Variants in SPRR2B observed in about 807,000 individuals in gnomAD.
SPRR2B encodes the protein small proline-rich protein 2B.
SPRR2B carries 1 observed loss-of-function variant against 1.0 expected under a neutral mutation model. The ratio of observed to expected loss-of-function variants is 1.01; its 90% CI spans 0.36 to 4.77. SPRR2B has a LOEUF of 4.77. Among genes scored for constraint, SPRR2B ranks in the 30% most tolerant of loss-of-function variants. The probability of loss-of-function intolerance (pLI) is 0.16; values close to 1 mark genes in which losing one functional copy is unlikely to be tolerated. For missense variants in SPRR2B, 53 were observed against 88.7 expected (o/e 0.60, Z 1.62); for synonymous variants, 27 against 33.4 (o/e 0.81, Z 0.66).
the SPRR2B span, among the ~76,000 whole-genome samples, chr1:153,080,568 A>G: frequency 1.3e-5 from 2 of 152,332 alleles, no homozygotes; most frequent in South Asian, 2.1e-4. Context: ...ACACACTCTT[A>G]AAAAGTCAAA....
At chr1:153,084,933 T>A in the SPRR2B span, among the ~76,000 whole-genome samples, 3 of 152,182 alleles carry the variant, frequency 2.0e-5, no homozygotes, top group Non-Finnish European at 4.4e-5. Flanking sequence ...GTTGGGACCC[T>A]AAAATAGATG....
chr1:153,087,602 G>A, the SPRR2B span, among the ~76,000 whole-genome samples: 2 of 152,044 alleles, frequency 1.3e-5, no homozygotes, highest in Non-Finnish European at 2.9e-5. Flanking sequence ...AAACATCAGA[G>A]AATATTACAA....
At chr1:153,071,399 AT>A (rs1029794778) in intron 1 of SPRR2B, among the ~76,000 whole-genome samples, 169 bp downstream of exon 1, 6 of 145,584 alleles carry the variant, frequency 4.1e-5, no homozygotes, top group South Asian at 2.1e-4. Context: ...AACTGTATAT[AT>A]TTTTTAAAGC....
chr1:153,073,367 C>T (rs1221598627), upstream of SPRR2B, among the ~76,000 whole-genome samples: 1 of 152,184 alleles, frequency 6.6e-6, no homozygotes, highest in East Asian at 1.9e-4. Context: ...CTTTTTTCTG[C>T]CATGCAAAAT....
the SPRR2B span, among the ~76,000 whole-genome samples, chr1:153,085,804 G>C: frequency 6.6e-3 from 1,000 of 152,246 alleles, 12 homozygotes; most frequent in African/African-American, 0.023. Context: ...CACCTACATA[G>C]GGAAGCCATT....
the SPRR2B span, among the ~76,000 whole-genome samples, chr1:153,085,347 G>C: frequency 6.6e-6 from 1 of 152,170 alleles, no homozygotes; most frequent in Admixed American, 6.5e-5. Flanking sequence ...ACCTGAAAAA[G>C]CTGAAAAACA....
chr1:153,087,534 T>TAAAC, the SPRR2B span, among the ~76,000 whole-genome samples: 1 of 151,036 alleles, frequency 6.6e-6, no homozygotes, highest in African/African-American at 2.5e-5. Context: ...AAGATCCAAA[T>TAAAC]AAACACAATT....
At chr1:153,087,451 A>G in the SPRR2B span, among the ~76,000 whole-genome samples, 1 of 152,192 alleles carries the variant, frequency 6.6e-6, no homozygotes, top group Non-Finnish European at 1.5e-5. Context: ...CAAAAGATCA[A>G]CAAATCCAGG....
upstream of SPRR2B, among the ~76,000 whole-genome samples, chr1:153,076,297 T>G (rs1354650371): frequency 1.3e-5 from 2 of 152,188 alleles, no homozygotes; most frequent in Non-Finnish European, 2.9e-5. Flanking sequence ...CTCCATATGT[T>G]AGATCCAAAT....
upstream of SPRR2B, among the ~76,000 whole-genome samples, chr1:153,072,132 C>A (rs1251041812): frequency 6.6e-6 from 1 of 152,120 alleles, no homozygotes; most frequent in African/African-American, 2.4e-5. Flanking sequence ...AGGCAGTGAC[C>A]ACATTGTGCC....
At chr1:153,083,736 A>G in the SPRR2B span, among the ~76,000 whole-genome samples, 3 of 152,220 alleles carry the variant, frequency 2.0e-5, no homozygotes, top group African/African-American at 4.8e-5. Context: ...CTGGAATTCC[A>G]GCAGGAGAAG....
At chr1:153,078,478 A>C in the SPRR2B span, among the ~76,000 whole-genome samples, 4,635 of 152,204 alleles carry the variant, frequency 0.03, 89 homozygotes, top group Non-Finnish European at 0.042. Context: ...CCGTCATTTA[A>C]CATTAGGTAT....
At chr1:153,084,408 A>G in the SPRR2B span, among the ~76,000 whole-genome samples, 7,450 of 152,170 alleles carry the variant, frequency 0.049, 940 homozygotes, top group East Asian at 0.49. Flanking sequence ...CCTTGTGCCA[A>G]CACTGCCATG....
upstream of SPRR2B, among the ~76,000 whole-genome samples, chr1:153,076,446 G>C (rs960357229): frequency 7.2e-5 from 11 of 152,132 alleles, no homozygotes; most frequent in Admixed American, 5.2e-4. Flanking sequence ...TCAAGATAGT[G>C]AATGTGCATA....
At position 153,070,245 on chromosome 1, in the gene SPRR2B, T is replaced by C; in HGVS notation, c.*376A>G. The C allele has an allele frequency of 4.5e-6, 2 of 445,878 alleles. No homozygotes were observed. The highest frequency in any genetic ancestry group is 7.9e-6 in the Non-Finnish European group (2 of 254,214). 27.6% of individuals were successfully genotyped at this position (445,878 alleles called of 1,614,324 possible). On this transcript the variant is annotated 3_prime_UTR_variant, in exon 2 of 2. Coordinates refer to ENST00000368755, the MANE Select transcript of SPRR2B (RefSeq NM_001388198.1). ...CAAATATATATGCATAGATACTTTA[T>C]TCAGGGAGTGAAAGAAAAGTGACAA...
the SPRR2B span, among the ~76,000 whole-genome samples, chr1:153,079,851 C>G: frequency 1.4e-4 from 22 of 152,084 alleles, no homozygotes; most frequent in East Asian, 3.3e-3. Context: ...AATGCGGGCT[C>G]TTTTTTGGTT....
chr1:153,072,584 G>A (rs183943998), upstream of SPRR2B, among the ~76,000 whole-genome samples: 5 of 152,186 alleles, frequency 3.3e-5, no homozygotes, highest in African/African-American at 1.2e-4. Flanking sequence ...GAAATCTAGG[G>A]GAAAATATCA....
chr1:153,081,349 C>G, the SPRR2B span, among the ~76,000 whole-genome samples: 100 of 152,292 alleles, frequency 6.6e-4, no homozygotes, highest in African/African-American at 2.3e-3. Context: ...AAGTAATTGA[C>G]CAAATGCTCA....
the SPRR2B span, among the ~76,000 whole-genome samples, chr1:153,084,469 A>T: frequency 6.6e-6 from 1 of 152,038 alleles, no homozygotes; most frequent in Non-Finnish European, 1.5e-5. Flanking sequence ...CCCCAAACAA[A>T]AACCCCAAAT....
Sources: gnomAD v4.1 joint callset for allele counts (sites outside exome capture counted in the v4.1 genomes callset) on GRCh38, gnomAD v4.1.1 for gene constraint, MANE v1.5 for transcripts, NCBI Gene and HGNC (gene_info 2026-07-23, HGNC 2026-07-21) for gene names.